FRMPD2: variants seen among roughly 807,000 people sequenced by gnomAD.
The protein encoded by FRMPD2 is FERM and PDZ domain-containing protein 2.
Under a neutral mutation model 140.1 loss-of-function variants are expected in FRMPD2, and 96 were observed. That is an observed-to-expected ratio of 0.69 (90% CI 0.58 to 0.81). FRMPD2 has a LOEUF of 0.81. Among genes scored for constraint, FRMPD2 ranks in the 40% least tolerant of loss-of-function variants. The pLI, the probability that FRMPD2 is intolerant of heterozygous loss-of-function variation, is 0.00. For missense variants in FRMPD2, 1,240 were observed against 1,447.4 expected (o/e 0.86, Z 2.32); for synonymous variants, 449 against 547.6 (o/e 0.82, Z 2.52).
At chr10:48,200,424 T>C (rs575290639) in intron 15 of FRMPD2, among the ~76,000 whole-genome samples, 6 of 152,320 alleles carry the variant, frequency 3.9e-5, no homozygotes, top group African/African-American at 1.4e-4. Flanking sequence ...TTTGAATAAA[T>C]GAACTTGATT....
intron 28 of FRMPD2, among the ~76,000 whole-genome samples, chr10:48,159,567 A>G (rs1431020718): frequency 2.6e-5 from 4 of 151,930 alleles, no homozygotes; most frequent in Non-Finnish European, 2.9e-5. Context: ...TGGCCCCTGC[A>G]GTTGAGTGAG....
At chr10:48,257,808 A>G (rs1398199008) in intron 1 of FRMPD2, among the ~76,000 whole-genome samples, 1 of 152,210 alleles carries the variant, frequency 6.6e-6, no homozygotes, top group African/African-American at 2.4e-5. Flanking sequence ...CCAAGTGCTC[A>G]GCACATAAAA....
chr10:48,198,337 A>G lies in FRMPD2; in HGVS notation c.1954+2891T>C, dbSNP rs139660128. On this transcript the variant is annotated intron_variant, in intron 15 of 28. Coordinates refer to ENST00000374201, the MANE Select transcript of FRMPD2 (RefSeq NM_001018071.4). ...AATTAGTGTTGTGTGTCTATCTATAACTATGCTATTCAATACAGTAGGCAC... is the reference window on the plus strand; with the variant it reads ...AATTAGTGTTGTGTGTCTATCTATAGCTATGCTATTCAATACAGTAGGCAC... Among the ~76,000 whole-genome samples the G allele has an allele frequency of 6.4e-3, 973 of 152,328 alleles. 6 individuals carry two copies. The highest frequency in any genetic ancestry group is 0.01 in the Admixed American group (159 of 15,306).
rs114142055 is a variant in FRMPD2 at position 48,220,919 on chromosome 10, A to G, written c.1455+1394T>C. ...ACCTCACTCCTGCAAGAACGGCCAT[A>G]ACCAAAAAATCAAAAAATGATAGAT... On this transcript the variant is annotated intron_variant, in intron 12 of 28. Transcript: ENST00000374201. Among the ~76,000 whole-genome samples, 1,293 of 152,274 alleles carry G rather than the reference A, an allele frequency of 8.5e-3. 16 individuals are homozygous for G. Among genetic ancestry groups the G allele is most frequent in the African/African-American group, 0.029 (1,208 of 41,570 alleles).
chr10:48,235,656 G>A (rs1446148862), intron 9 of FRMPD2, among the ~76,000 whole-genome samples: 2 of 152,242 alleles, frequency 1.3e-5, no homozygotes, highest in African/African-American at 2.4e-5. Flanking sequence ...GGCCCAGAAA[G>A]CCAAGTTGAC....
At chr10:48,204,997 C>G (rs1198252907) in intron 14 of FRMPD2, among the ~76,000 whole-genome samples, 2 of 152,168 alleles carry the variant, frequency 1.3e-5, no homozygotes, top group Non-Finnish European at 2.9e-5. Context: ...GATGAACGAT[C>G]TGTAATTGTT....
Position 48,168,541 on chromosome 10 carries a change from A to G in FRMPD2, c.3537+54T>C. The G allele has an allele frequency of 3.0e-6, 2 of 668,898 alleles. 1 individual carries two copies. Among genetic ancestry groups the G allele is most frequent in the South Asian group, 3.0e-5 (2 of 66,100 alleles). 41.4% of individuals were successfully genotyped at this position (668,898 alleles called of 1,614,324 possible). ...CCCTCTTAGGACCCTAGAGTCTGGA[A>G]AAGGGGGGCCCAACCAGAGCCAGGT... On this transcript the variant is annotated intron_variant, in intron 27 of 28. Coordinates refer to ENST00000374201, the MANE Select transcript of FRMPD2 (RefSeq NM_001018071.4).
chr10:48,196,766 G>A (rs950558998), intron 15 of FRMPD2, among the ~76,000 whole-genome samples: 14 of 152,194 alleles, frequency 9.2e-5, no homozygotes, highest in Non-Finnish European at 2.9e-5. Flanking sequence ...TAAAAAGCAA[G>A]GGAACTTTGT....
intron 13 of FRMPD2, 33 bp downstream of exon 13, chr10:48,211,921 C>G (rs1040270838): frequency 1.2e-6 from 2 of 1,603,214 alleles, no homozygotes; most frequent in Non-Finnish European, 1.7e-6. Flanking sequence ...CCCTTGAAGA[C>G]CAACACCTCT....
chr10:48,197,131 C>T (rs1482776086), intron 15 of FRMPD2, among the ~76,000 whole-genome samples: 1 of 152,118 alleles, frequency 6.6e-6, no homozygotes, highest in Non-Finnish European at 1.5e-5. Context: ...AAATAAGCTA[C>T]CATTATTTTC....
chr10:48,248,907 G>A, intron 3 of FRMPD2, 114 bp downstream of exon 3: 5 of 839,740 alleles, frequency 6.0e-6, no homozygotes, highest in South Asian at 2.4e-5. Flanking sequence ...ACTCTGGCTT[G>A]GTGTTGAGAA....
intron 1 of FRMPD2, among the ~76,000 whole-genome samples, chr10:48,265,845 C>G (rs1278276249): frequency 6.6e-6 from 1 of 152,158 alleles, no homozygotes; most frequent in East Asian, 1.9e-4. Context: ...TACCATTTGA[C>G]CCAGCAATCC....
At chr10:48,214,075 G>A (rs142878669) in intron 12 of FRMPD2, among the ~76,000 whole-genome samples, 41 of 152,286 alleles carry the variant, frequency 2.7e-4, no homozygotes, top group African/African-American at 9.6e-4. Context: ...GATCTGCTGG[G>A]ACTCTAAGAC....
At chr10:48,177,109 T>C (rs1838429746) in intron 22 of FRMPD2, among the ~76,000 whole-genome samples, 1 of 143,814 alleles carries the variant, frequency 7.0e-6, no homozygotes, top group Non-Finnish European at 1.5e-5. Flanking sequence ...ATGGATCACT[T>C]TTTTTTTTTT....
chr10:48,186,739 C>T (rs1320558657), intron 17 of FRMPD2, among the ~76,000 whole-genome samples: 1 of 152,222 alleles, frequency 6.6e-6, no homozygotes, highest in Non-Finnish European at 1.5e-5. Flanking sequence ...TTAATGCTCA[C>T]TGAGTAGAGA....
chr10:48,230,516 G>A (rs1249322122), intron 10 of FRMPD2, among the ~76,000 whole-genome samples: 2 of 152,182 alleles, frequency 1.3e-5, no homozygotes, highest in African/African-American at 4.8e-5. Context: ...GAGCCTACGT[G>A]GTCAACCACT....
rs1290802809 is a variant in FRMPD2, at chr10:48,251,546, G to T, written c.151+20C>A. On this transcript the variant is annotated intron_variant, in intron 2 of 28. Coordinates refer to ENST00000374201, the MANE Select transcript of FRMPD2 (RefSeq NM_001018071.4). Reference sequence around the variant, plus strand: ...ACATACAACTCCCTGTGATTTGACTGCCCCCAAACACTCTCTTACCGTTGC... The same window carrying T: ...ACATACAACTCCCTGTGATTTGACTTCCCCCAAACACTCTCTTACCGTTGC... 7 of 1,611,600 alleles carry T rather than the reference G, an allele frequency of 4.3e-6. No homozygotes were observed. The African/African-American group carries it at 9.5e-5, about 22-fold the overall frequency.
chr10:48,198,184 A>C (rs1449253841), intron 15 of FRMPD2, among the ~76,000 whole-genome samples: 2 of 152,216 alleles, frequency 1.3e-5, no homozygotes, highest in Non-Finnish European at 2.9e-5. Context: ...TAAGTTTAAT[A>C]AATATCAAAA....
intron 1 of FRMPD2, among the ~76,000 whole-genome samples, chr10:48,266,550 A>C (rs1840681804): frequency 6.6e-6 from 1 of 152,246 alleles, no homozygotes; most frequent in Admixed American, 6.5e-5. Context: ...ATATACATTT[A>C]ACTGATCTTT....
Sources: gnomAD v4.1 joint callset for allele counts (sites outside exome capture counted in the v4.1 genomes callset) on GRCh38, gnomAD v4.1.1 for gene constraint, MANE v1.5 for transcripts, NCBI Gene and HGNC (gene_info 2026-07-23, HGNC 2026-07-21) for gene names.